The following ENTREP2 variants were observed in gnomAD, a reference collection of about 807,000 sequenced individuals.
ENTREP2 encodes protein ENTREP2.
chr15:29,313,820 T>C, the ENTREP2 span, among the ~76,000 whole-genome samples: 6 of 152,198 alleles, frequency 3.9e-5, no homozygotes, highest in Admixed American at 3.9e-4. Flanking sequence ...GTAATAAATC[T>C]GGGTGGAGTA....
chr15:29,630,675 T>A, the ENTREP2 span, among the ~76,000 whole-genome samples: 2 of 152,074 alleles, frequency 1.3e-5, no homozygotes, highest in African/African-American at 4.8e-5. Flanking sequence ...CCCCAGGCTA[T>A]TTTCTCTATT....
At chr15:29,629,555 T>C in the ENTREP2 span, among the ~76,000 whole-genome samples, 4 of 152,224 alleles carry the variant, frequency 2.6e-5, no homozygotes, top group Admixed American at 2.0e-4. Flanking sequence ...TAGTCAAGTG[T>C]AGAAACTTTA....
chr15:29,181,050 C>A, the ENTREP2 span, among the ~76,000 whole-genome samples: 1 of 151,518 alleles, frequency 6.6e-6, no homozygotes, highest in East Asian at 1.9e-4. Context: ...CAAAAATAGG[C>A]AAGTCTCTGG....
the ENTREP2 span, among the ~76,000 whole-genome samples, chr15:29,294,974 T>C: frequency 7.2e-5 from 11 of 152,252 alleles, 1 homozygote; most frequent in Admixed American, 2.0e-4. Flanking sequence ...CTGTCGGTGC[T>C]GCAAGGATGG....
the ENTREP2 span, among the ~76,000 whole-genome samples, chr15:29,602,709 TG>T: frequency 6.6e-6 from 1 of 152,118 alleles, no homozygotes; most frequent in African/African-American, 2.4e-5. Flanking sequence ...GGCTAATTTT[TG>T]TATTTTTATT....
chr15:29,385,469 A>C, the ENTREP2 span, among the ~76,000 whole-genome samples: 1 of 152,328 alleles, frequency 6.6e-6, no homozygotes, highest in South Asian at 2.1e-4. Flanking sequence ...TCTCCTACAC[A>C]AAGCAAAAGA....
chr15:29,155,663 G>A, the ENTREP2 span, among the ~76,000 whole-genome samples: 2 of 152,182 alleles, frequency 1.3e-5, no homozygotes, highest in African/African-American at 2.4e-5. Context: ...CAGGGAGTCT[G>A]CAGGGACCCT....
the ENTREP2 span, among the ~76,000 whole-genome samples, chr15:29,591,092 CCTT>C: frequency 6.6e-6 from 1 of 152,144 alleles, no homozygotes; most frequent in Non-Finnish European, 1.5e-5. Context: ...CTAAAAACAT[CCTT>C]TTTTTCCTGA....
the ENTREP2 span, among the ~76,000 whole-genome samples, chr15:29,365,250 C>CTTTTTTT: frequency 7.0e-6 from 1 of 142,012 alleles, no homozygotes; most frequent in Non-Finnish European, 1.5e-5. Context: ...TAGCTCATTT[C>CTTTTTTT]TTTTTTTTTT....
the ENTREP2 span, among the ~76,000 whole-genome samples, chr15:29,197,766 A>G: frequency 1.6e-5 from 2 of 128,004 alleles, no homozygotes; most frequent in African/African-American, 7.0e-5. Flanking sequence ...ACTCCATCTC[A>G]AAAAAAAAAA....
the ENTREP2 span, among the ~76,000 whole-genome samples, chr15:29,350,710 A>C: frequency 6.6e-6 from 1 of 152,246 alleles, no homozygotes; most frequent in African/African-American, 2.4e-5. Context: ...TGGGAGGCCG[A>C]GTTGGGTGGA....
chr15:29,204,304 C>A, the ENTREP2 span, among the ~76,000 whole-genome samples: 1 of 152,110 alleles, frequency 6.6e-6, no homozygotes, highest in African/African-American at 2.4e-5. Flanking sequence ...AGGGCTTATA[C>A]AACAAAAAGA....
At chr15:29,206,360 G>A in the ENTREP2 span, among the ~76,000 whole-genome samples, 10 of 152,102 alleles carry the variant, frequency 6.6e-5, no homozygotes, top group African/African-American at 1.4e-4. Context: ...CACCATGGAG[G>A]TTAGAATTTC....
the ENTREP2 span, among the ~76,000 whole-genome samples, chr15:29,401,986 A>G: frequency 6.6e-6 from 1 of 152,162 alleles, no homozygotes; most frequent in East Asian, 1.9e-4. Context: ...ATCGGAAACT[A>G]GATTAAGGAG....
At chr15:29,632,203 T>TC in the ENTREP2 span, among the ~76,000 whole-genome samples, 70 of 152,142 alleles carry the variant, frequency 4.6e-4, no homozygotes, top group Middle Eastern at 6.8e-3. Flanking sequence ...AGTCCTCAAG[T>TC]CTTGAGTTCT....
the ENTREP2 span, chr15:29,269,199 A>G: frequency 1.2e-6 from 2 of 1,613,930 alleles, no homozygotes; most frequent in Non-Finnish European, 1.7e-6. Flanking sequence ...TGCCTTGGTC[A>G]CCCCTCATCT....
At chr15:29,325,688 T>A in the ENTREP2 span, among the ~76,000 whole-genome samples, 2 of 152,120 alleles carry the variant, frequency 1.3e-5, no homozygotes, top group Admixed American at 1.3e-4. Context: ...AAAAATAGTA[T>A]CAGTTTTCTG....
chr15:29,575,196 C>T, the ENTREP2 span, among the ~76,000 whole-genome samples: 1 of 152,138 alleles, frequency 6.6e-6, no homozygotes, highest in Non-Finnish European at 1.5e-5. Flanking sequence ...TCAAACTTCC[C>T]TCTTTTTGCA....
chr15:29,268,635 TA>T, the ENTREP2 span: 2 of 633,270 alleles, frequency 3.2e-6, no homozygotes, highest in Non-Finnish European at 4.9e-6. Flanking sequence ...AACACAACAT[TA>T]AAAAAACAAA....
Sources: gnomAD v4.1 joint callset for allele counts (sites outside exome capture counted in the v4.1 genomes callset) on GRCh38, gnomAD v4.1.1 for gene constraint, MANE v1.5 for transcripts, NCBI Gene and HGNC (gene_info 2026-07-23, HGNC 2026-07-21) for gene names.